Variants in KCNK10 observed in about 807,000 individuals in gnomAD.
The protein encoded by KCNK10 is potassium channel subfamily K member 10.
In KCNK10, 25 loss-of-function variants were observed where a neutral mutation model predicts 47.7. That is an observed-to-expected ratio of 0.52 (90% CI 0.38 to 0.73). The LOEUF (loss-of-function observed/expected upper bound fraction) is 0.73. Among genes scored for constraint, KCNK10 ranks in the 30% least tolerant of loss-of-function variants. The pLI, the probability that KCNK10 is intolerant of heterozygous loss-of-function variation, is 0.00. For missense variants in KCNK10, 563 were observed against 714.5 expected, an observed-to-expected ratio of 0.79 and a Z score of 2.42; for synonymous variants, 303 against 285.6, an observed-to-expected ratio of 1.06 and a Z score of -0.61.
intron 4 of KCNK10, among the ~76,000 whole-genome samples, chr14:88,216,333 C>T (rs1466097280): frequency 6.6e-6 from 1 of 152,074 alleles, no homozygotes; most frequent in Non-Finnish European, 1.5e-5. Context: ...GCAATTGTCC[C>T]CTTATATCCC....
rs367986869 is a variant in KCNK10, at chr14:88,263,546, C to T, written c.58G>A (p.Val20Ile). Residue 20 changes from valine (V) to isoleucine (I), a missense_variant, in exon 2 of 7, where the codon GTT becomes ATT. By Grantham distance (29) the Val-to-Ile change is conservative. Coordinates refer to ENST00000319231, the MANE Select transcript of KCNK10 (RefSeq NM_138317.3). ...KQVNWDPKVAVPAAAPVCQPK... is the reference protein window; with the variant it reads ...KQVNWDPKVAIPAAAPVCQPK... ...TGGCACACCGGTGCTGCTGCGGGAA[C>T]GGCCACTGAGGAGTCAGGGTGGGGG... 222 of 1,609,832 alleles carry T rather than the reference C, an allele frequency of 1.4e-4. No individual in the cohort carries two copies. Among genetic ancestry groups the T allele is most frequent in the Non-Finnish European group, 1.7e-4 (198 of 1,179,378 alleles).
intron 1 of KCNK10, among the ~76,000 whole-genome samples, chr14:88,312,794 G>T (rs1409180548): frequency 6.6e-6 from 1 of 152,164 alleles, no homozygotes; most frequent in Non-Finnish European, 1.5e-5. Context: ...GACACTTCCA[G>T]TATTTGAATA....
chr14:88,202,703 C>T (rs1885138410), intron 4 of KCNK10, among the ~76,000 whole-genome samples: 2 of 151,196 alleles, frequency 1.3e-5, no homozygotes, highest in Non-Finnish European at 2.9e-5. Context: ...GGGTTAGGAA[C>T]ACAGACAGAG....
At chr14:88,210,829 G>GAAA (rs71126970) in intron 4 of KCNK10, among the ~76,000 whole-genome samples, 6,004 of 138,504 alleles carry the variant, frequency 0.043, 218 homozygotes, top group African/African-American at 0.09. Context: ...AAAGTTAAAG[G>GAAA]AAAAAAAAAA....
intron 2 of KCNK10, among the ~76,000 whole-genome samples, chr14:88,254,888 G>A (rs1886901100): frequency 6.6e-6 from 1 of 152,186 alleles, no homozygotes; most frequent in African/African-American, 2.4e-5. Context: ...AGAAAGACGG[G>A]TGGGAGAAGG....
intron 3 of KCNK10, among the ~76,000 whole-genome samples, chr14:88,238,218 C>A (rs1239729880): frequency 6.6e-6 from 1 of 152,196 alleles, no homozygotes; most frequent in Non-Finnish European, 1.5e-5. Context: ...TGAAAAGAGC[C>A]CGCTTGCTCT....
At position 88,244,196 on chromosome 14, in the gene KCNK10, A is replaced by G. The variant is rs538531709; in HGVS notation, c.403-3376T>C. 2.0e-5 allele frequency among the ~76,000 whole-genome samples: 3 copies of G among 152,322 alleles called. No homozygotes were observed. The East Asian group carries it at 5.8e-4, about 29-fold the overall frequency. On this transcript the variant is annotated intron_variant, in intron 2 of 6. Coordinates refer to ENST00000319231, the MANE Select transcript of KCNK10 (RefSeq NM_138317.3). ...CAAACAACCAGAATTCAAATGAATC[A>G]GCAAACTCGGGTTATAACTGACGTT...
upstream of KCNK10, chr14:88,326,710 A>C (rs2139813442): frequency 9.8e-6 from 5 of 509,432 alleles, no homozygotes; most frequent in Admixed American, 3.8e-5. Context: ...TGCAGCTCAA[A>C]ACCTGCCCGG....
chr14:88,201,391 C>T (rs2139839332), intron 4 of KCNK10, among the ~76,000 whole-genome samples: 1 of 152,308 alleles, frequency 6.6e-6, no homozygotes, highest in East Asian at 1.9e-4. Context: ...GGCACAGTGG[C>T]TCACGCCTGT....
intron 1 of KCNK10, among the ~76,000 whole-genome samples, chr14:88,280,813 G>A (rs1887635813): frequency 6.6e-6 from 1 of 151,908 alleles, no homozygotes; most frequent in Non-Finnish European, 1.5e-5. Flanking sequence ...CTCCCTACTA[G>A]GCTCCAGCCA....
chr14:88,301,118 G>C (rs1888083544), intron 1 of KCNK10, among the ~76,000 whole-genome samples: 1 of 152,210 alleles, frequency 6.6e-6, no homozygotes, highest in Non-Finnish European at 1.5e-5. Context: ...CTAAGTCTCA[G>C]TGTTCTGAGA....
intron 1 of KCNK10, among the ~76,000 whole-genome samples, chr14:88,307,327 T>TCACACA (rs112756986): frequency 0.51 from 76,216 of 148,750 alleles, 20,934 homozygotes; most frequent in Non-Finnish European, 0.63. Flanking sequence ...AAGAAGCTGA[T>TCACACA]CACACACACA....
At chr14:88,249,319 C>A (rs972239299) in intron 2 of KCNK10, among the ~76,000 whole-genome samples, 4 of 152,196 alleles carry the variant, frequency 2.6e-5, no homozygotes, top group Non-Finnish European at 5.9e-5. Context: ...TGAATGATAA[C>A]CCATGGACAT....
chr14:88,300,932 T>C (rs1454792491), intron 1 of KCNK10, among the ~76,000 whole-genome samples: 1 of 152,230 alleles, frequency 6.6e-6, no homozygotes, highest in East Asian at 1.9e-4. Context: ...GTTCTCTGTC[T>C]TCATCTGAGC....
chr14:88,224,008 C>T (rs1411715214), intron 4 of KCNK10, among the ~76,000 whole-genome samples: 1 of 137,222 alleles, frequency 7.3e-6, no homozygotes, highest in African/African-American at 2.9e-5. Context: ...CAGTGAAATC[C>T]CATCTCCACT....
intron 1 of KCNK10, among the ~76,000 whole-genome samples, chr14:88,305,854 G>A (rs1190859007): frequency 2.6e-5 from 4 of 152,168 alleles, no homozygotes; most frequent in Non-Finnish European, 2.9e-5. Flanking sequence ...TTCCTACAGA[G>A]GAAACTGGGA....
intron 4 of KCNK10, among the ~76,000 whole-genome samples, chr14:88,210,398 G>A (rs554716962): frequency 6.6e-6 from 1 of 152,342 alleles, no homozygotes; most frequent in East Asian, 1.9e-4. Context: ...ACAAAAAAGT[G>A]TTATTCGATA....
intron 4 of KCNK10, among the ~76,000 whole-genome samples, chr14:88,212,584 T>A (rs1435242670): frequency 2.0e-5 from 3 of 152,180 alleles, no homozygotes; most frequent in African/African-American, 7.2e-5. Flanking sequence ...ATATTGTTTA[T>A]TCTGTCCACT....
chr14:88,256,115 C>G (rs1595108435), intron 2 of KCNK10, among the ~76,000 whole-genome samples: 1 of 152,160 alleles, frequency 6.6e-6, no homozygotes. Context: ...CTGCTGAGCC[C>G]CAGCTCGGGT....
Sources: allele counts gnomAD v4.1 joint callset (sites outside exome capture counted in the v4.1 genomes callset), GRCh38; gene constraint gnomAD v4.1.1; transcripts MANE v1.5; gene names NCBI Gene and HGNC (gene_info 2026-07-23, HGNC 2026-07-21).